The following TMEM265 variants were observed in gnomAD, a reference collection of about 807,000 sequenced individuals.
TMEM265 encodes transmembrane protein 265.
Under a neutral mutation model 9.5 loss-of-function variants are expected in TMEM265, and 8 were observed. That is an observed-to-expected ratio of 0.84 (90% confidence interval 0.49 to 1.52). The LOEUF is 1.52. Ranked by LOEUF, TMEM265 falls within the 40% of genes most tolerant of loss-of-function variation. The pLI, the probability that TMEM265 is intolerant of heterozygous loss-of-function variation, is 0.00. For synonymous variants in TMEM265, 53 were observed against 56.9 expected (o/e 0.93, Z 0.31); for missense variants, 152 against 146.2 (o/e 1.04, Z -0.21).
intron 2 of TMEM265, among the ~76,000 whole-genome samples, chr16:30,742,150 C>A (rs755098691): frequency 6.6e-6 from 1 of 152,036 alleles, no homozygotes; most frequent in African/African-American, 2.4e-5. Context: ...AAGCACAGGA[C>A]AGTGTGGGAG....
Position 30,743,560 on chromosome 16 carries a change from A to G in TMEM265, c.166-222A>G, listed in dbSNP as rs557767444. 9.8e-5 allele frequency among the ~76,000 whole-genome samples: 15 copies of G among 152,336 alleles called. No homozygotes were observed. In the South Asian group the frequency reaches 2.7e-3, roughly 27 times the overall value. The stretch of plus-strand genomic sequence containing the variant: ...TAACAGAATTGGAAAGTACTTTCCC[A>G]TAGGCGATCTTGTGAGCTATGGCCA... On this transcript the variant is annotated intron_variant, in intron 2 of 2. Coordinates refer to ENST00000615541, the MANE Select transcript of TMEM265 (RefSeq NM_001256829.2).
intron 1 of TMEM265, 45 bp from the exon 2 acceptor site, chr16:30,741,696 G>A (rs1596672391): frequency 6.6e-7 from 1 of 1,504,726 alleles, no homozygotes; most frequent in Middle Eastern, 2.4e-4. Flanking sequence ...GCAAGGCCAA[G>A]GGCTCTGTTG....
Position 30,741,841 on chromosome 16 carries a change from T to G in TMEM265, c.98T>G (p.Leu33Trp). 6.5e-7 allele frequency: 1 copy of G among 1,533,992 alleles called. No individual in the cohort carries two copies. Residue 33 changes from leucine (L) to tryptophan (W), a missense_variant, in exon 2 of 3, where the codon TTG becomes TGG. Coordinates refer to ENST00000615541, the MANE Select transcript of TMEM265 (RefSeq NM_001256829.2). ...TGCTGCTGGCTCCGCCTCCGCTGCT[T>G]GGCAGCTACTAGCATTATCTGTGGC... ...IRCCWLRLRC[L>W]AATSIICGCS...
chr16:30,742,041 C>A, intron 2 of TMEM265, 133 bp downstream of exon 2: 1 of 1,000,018 alleles, frequency 1.0e-6, no homozygotes, highest in Non-Finnish European at 1.4e-6. Flanking sequence ...AAGAATAAGA[C>A]AGGGTTCCTT....
Position 30,743,981 on chromosome 16 carries a change from C to T in TMEM265, c.*38C>T, listed in dbSNP as rs945268887. On this transcript the variant is annotated 3_prime_UTR_variant, in exon 3 of 3. Transcript: ENST00000615541. ...TCTGCTGAGAGCCAGCCGAGACCTCCTGGATCCTGCAATGCGGCATTGCTA... is the reference window on the plus strand; with the variant it reads ...TCTGCTGAGAGCCAGCCGAGACCTCTTGGATCCTGCAATGCGGCATTGCTA... The T allele has an allele frequency of 1.1e-5, 17 of 1,517,480 alleles. No homozygotes were observed. The East Asian group carries it at 3.9e-4, about 35-fold the overall frequency. The allele number at this position is 1,517,480 out of a possible 1,614,324, so 94.0% of individuals were successfully genotyped here.
chr16:30,743,884 C>T lies in TMEM265; in HGVS notation c.268C>T (p.Leu90Phe), dbSNP rs1159013465. 1 of 1,533,990 alleles carries T rather than the reference C, an allele frequency of 6.5e-7. No individual in the cohort carries two copies. The highest frequency in any genetic ancestry group is 2.0e-5 in the Admixed American group (1 of 50,996). ...LASFAVWLAV[L>F]ILGPLLLWLL... is the part of the protein sequence containing the mutation. ...CAGCTTTGCTGTCTGGCTTGCTGTC[C>T]TCATTCTGGGTCCCCTGCTGCTGTG... Residue 90 changes from leucine to phenylalanine, a missense_variant, in exon 3 of 3, where the codon CTC (leucine) becomes TTC (phenylalanine). Coordinates refer to ENST00000615541, the MANE Select transcript of TMEM265 (RefSeq NM_001256829.2).
intron 2 of TMEM265, 65 bp downstream of exon 2, chr16:30,741,973 T>A (rs1006251562): frequency 6.9e-7 from 1 of 1,458,554 alleles, no homozygotes; most frequent in Non-Finnish European, 9.2e-7. Context: ...GTATCTGATC[T>A]ATCTACATTG....
At chr16:30,742,799 G>A (rs1227586366) in intron 2 of TMEM265, among the ~76,000 whole-genome samples, 4 of 151,332 alleles carry the variant, frequency 2.6e-5, no homozygotes, top group African/African-American at 9.7e-5. Context: ...GATGGTGCGT[G>A]CCTGTAATCC....
rs888776950 is a variant in TMEM265, at chr16:30,743,996, C to T, written c.*53C>T. On this transcript the variant is annotated 3_prime_UTR_variant, in exon 3 of 3. Transcript: ENST00000615541. ...CCGAGACCTCCTGGATCCTGCAATG[C>T]GGCATTGCTAAGGTCCTGTGACAGC... The T allele has an allele frequency of 3.7e-5, 55 of 1,499,990 alleles. No homozygotes were observed. The highest frequency in any genetic ancestry group is 2.1e-4 in the Admixed American group (10 of 48,108). The allele number at this position is 1,499,990 out of a possible 1,614,324, so 92.9% of individuals were successfully genotyped here. A position where few individuals can be genotyped will look rare whatever the true frequency, so the allele number is the denominator to read the frequency against.
At chr16:30,743,665 G>A (rs570317726) in intron 2 of TMEM265, 117 bp from the exon 3 acceptor site, 61 of 1,238,846 alleles carry the variant, frequency 4.9e-5, no homozygotes, top group Non-Finnish European at 6.5e-5. Context: ...GGAAAGGGAG[G>A]TAGAGGGTTT....
At chr16:30,741,298 T>TACC (rs1293956436) in intron 1 of TMEM265, 2 of 154,118 alleles carry the variant, frequency 1.3e-5, no homozygotes, top group Non-Finnish European at 2.9e-5. Context: ...CGGGTTGCAG[T>TACC]ACCTAGGGTC....
chr16:30,744,109 A>T lies in TMEM265; in HGVS notation c.*166A>T. The T allele has an allele frequency of 1.3e-6, 1 of 792,788 alleles. No homozygotes were observed. The highest frequency in any genetic ancestry group is 1.9e-6 in the Non-Finnish European group (1 of 528,686). 49.1% of individuals were successfully genotyped at this position (792,788 alleles called of 1,614,324 possible). ...TTCTAGCCCTTTATAAAAGGAGGGC[A>T]GCAGCTGAGACTGATGAGAGGAGGG... On this transcript the variant is annotated 3_prime_UTR_variant, in exon 3 of 3. Coordinates refer to ENST00000615541, the MANE Select transcript of TMEM265 (RefSeq NM_001256829.2).
In TMEM265 at chr16:30,741,854, C is replaced by T; in HGVS notation, c.111C>T (p.Ser37=). 2 of 1,533,980 alleles carry T rather than the reference C, an allele frequency of 1.3e-6. No individual in the cohort carries two copies. The highest frequency in any genetic ancestry group is 1.7e-6 in the Non-Finnish European group (2 of 1,146,738). ...GCCTCCGCTGCTTGGCAGCTACTAG[C>T]ATTATCTGTGGCTGCTCTTGCCTGG... The part of the protein sequence containing the change: ...WLRLRCLAAT[S]IICGCSCLGV... Residue 37 remains serine (S), a synonymous_variant, in exon 2 of 3, where the codon AGC becomes AGT. Coordinates refer to ENST00000615541, the MANE Select transcript of TMEM265 (RefSeq NM_001256829.2).
In TMEM265 at chr16:30,741,733, G is replaced by A. The variant is rs552574587; in HGVS notation, c.-3-8G>A. On this transcript the variant is annotated splice_polypyrimidine_tract_variant and splice_region_variant and intron_variant, in intron 1 of 2. Transcript: ENST00000615541. The stretch of plus-strand genomic sequence containing the variant: ...TGGGCTCACAAGTACCTTGACTATC[G>A]CCCACAGGTGATGGAGGACGAGGAG... The A allele has an allele frequency of 4.2e-5, 65 of 1,532,072 alleles. 2 individuals are homozygous for A. In the South Asian group the frequency reaches 5.7e-4, roughly 13 times the overall value. 94.9% of individuals were successfully genotyped at this position (1,532,072 alleles called of 1,614,324 possible).
At position 30,744,047 on chromosome 16, in the gene TMEM265, A is replaced by G. The variant is rs2053241708; in HGVS notation, c.*104A>G. ...AGTGGTTGGAAGGATCCTGGTTGGA[A>G]GGATGGGGACTCTCTCAAGGGGCTT... On this transcript the variant is annotated 3_prime_UTR_variant, in exon 3 of 3. Transcript: ENST00000615541. 7 of 1,336,832 alleles carry G rather than the reference A, an allele frequency of 5.2e-6. No homozygotes were observed. The South Asian group carries it at 1.0e-4, about 19-fold the overall frequency. 82.8% of individuals were successfully genotyped at this position (1,336,832 alleles called of 1,614,324 possible). A position where few individuals can be genotyped will look rare whatever the true frequency, so the allele number is the denominator to read the frequency against.
chr16:30,743,052 C>T (rs1457378592), intron 2 of TMEM265, among the ~76,000 whole-genome samples: 1 of 152,064 alleles, frequency 6.6e-6, no homozygotes, highest in Non-Finnish European at 1.5e-5. Context: ...TGTAAGAACT[C>T]CTGGGTTCCA....
rs1176745892 is a variant in TMEM265, at chr16:30,745,064, C to T, written c.*1121C>T. 1 of 152,220 alleles carries T rather than the reference C, an allele frequency of 6.6e-6. No homozygotes were observed. The highest frequency in any genetic ancestry group is 1.5e-5 in the Non-Finnish European group (1 of 68,036). The allele number at this position is 152,220 out of a possible 1,614,324, so 9.4% of individuals were successfully genotyped here. Reference sequence around the variant, plus strand: ...ATACTCCTCCCAATCACTGCTACTTCCTTTCTTCCCACAGGTAACCACCAT... The same window carrying T: ...ATACTCCTCCCAATCACTGCTACTTTCTTTCTTCCCACAGGTAACCACCAT... On this transcript the variant is annotated 3_prime_UTR_variant, in exon 3 of 3. Transcript: ENST00000615541.
At chr16:30,743,624 T>A (rs765394461) in intron 2 of TMEM265, among the ~76,000 whole-genome samples, 158 bp from the exon 3 acceptor site, 24 of 152,122 alleles carry the variant, frequency 1.6e-4, no homozygotes, top group Non-Finnish European at 2.9e-4. Context: ...GGGTACCTTA[T>A]TTTGCAGATG....
intron 2 of TMEM265, among the ~76,000 whole-genome samples, chr16:30,742,754 C>T (rs1050149742): frequency 1.3e-5 from 2 of 151,566 alleles, no homozygotes; most frequent in African/African-American, 2.4e-5. Flanking sequence ...GGTAAAACCC[C>T]GTCTCTACTA....
Sources: gnomAD v4.1 joint callset for allele counts (sites outside exome capture counted in the v4.1 genomes callset) on GRCh38, gnomAD v4.1.1 for gene constraint, MANE v1.5 for transcripts, NCBI Gene and HGNC (gene_info 2026-07-23, HGNC 2026-07-21) for gene names.